Variants in CNBD1 observed in about 807,000 individuals in gnomAD.
CNBD1 encodes cyclic nucleotide binding domain containing 1.
CNBD1 carries 71 observed loss-of-function variants against 54.4 expected under a neutral mutation model. That is an observed-to-expected ratio of 1.30 (90% confidence interval 1.08 to 1.59). The LOEUF (loss-of-function observed/expected upper bound fraction) is 1.59. Ranked by LOEUF, CNBD1 falls within the 40% of genes most tolerant of loss-of-function variation. CNBD1 has a pLI of 0.00. For synonymous variants in CNBD1, 182 were observed against 170.7 expected, an observed-to-expected ratio of 1.07 and a Z score of -0.51; for missense variants, 659 against 518.0, an observed-to-expected ratio of 1.27 and a Z score of -2.64.
chr8:87,352,979 A>G lies in CNBD1; in HGVS notation c.1153-657A>G, dbSNP rs573505695. On this transcript the variant is annotated intron_variant, in intron 9 of 10. Coordinates refer to ENST00000518476, the MANE Select transcript of CNBD1 (RefSeq NM_173538.3). ...CTGAGGGCTATATTCTCTTTTATAT[A>G]TCTTAGTGGTCATCAACTCCTAGCA... Among the ~76,000 whole-genome samples the G allele has an allele frequency of 2.6e-5, 4 of 152,260 alleles. No individual in the cohort carries two copies. In the South Asian group the frequency reaches 8.3e-4, roughly 32 times the overall value.
At chr8:87,361,624 T>A (rs899569625) in intron 10 of CNBD1, among the ~76,000 whole-genome samples, 3 of 151,368 alleles carry the variant, frequency 2.0e-5, no homozygotes, top group African/African-American at 7.3e-5. Flanking sequence ...AAAGTATAGA[T>A]TTTGCATATA....
intron 4 of CNBD1, among the ~76,000 whole-genome samples, chr8:87,152,911 G>T (rs1812636820): frequency 6.6e-6 from 1 of 152,066 alleles, no homozygotes. Context: ...TTTTAACCCA[G>T]AAATTCCTCT....
At chr8:87,030,139 G>A (rs1399038292) in intron 4 of CNBD1, among the ~76,000 whole-genome samples, 1 of 152,010 alleles carries the variant, frequency 6.6e-6, no homozygotes, top group South Asian at 2.1e-4. Flanking sequence ...ATGCTTGATG[G>A]CACTAACTTT....
chr8:87,018,070 C>G (rs550217236), intron 4 of CNBD1, among the ~76,000 whole-genome samples: 2 of 152,094 alleles, frequency 1.3e-5, no homozygotes, highest in South Asian at 2.1e-4. Context: ...ATGGAGAAAC[C>G]CCATCTCTAC....
intron 10 of CNBD1, among the ~76,000 whole-genome samples, chr8:87,380,445 T>C (rs1811051096): frequency 6.6e-6 from 1 of 152,000 alleles, no homozygotes; most frequent in Admixed American, 6.6e-5. Context: ...TCAAAGCAGG[T>C]GGTGTGATGT....
chr8:87,369,034 T>C (rs888543763), intron 10 of CNBD1, among the ~76,000 whole-genome samples: 2 of 151,846 alleles, frequency 1.3e-5, no homozygotes, highest in African/African-American at 4.8e-5. Context: ...ACAACAACTA[T>C]ACTTTACTAA....
chr8:87,335,156 G>A (rs1054174899), intron 8 of CNBD1, among the ~76,000 whole-genome samples: 19 of 152,180 alleles, frequency 1.2e-4, no homozygotes, highest in Admixed American at 2.0e-4. Context: ...AGTGTCATGT[G>A]GCACTGAGAA....
At chr8:87,327,691 C>T (rs1025668708) in intron 8 of CNBD1, among the ~76,000 whole-genome samples, 8 of 152,206 alleles carry the variant, frequency 5.3e-5, no homozygotes, top group South Asian at 2.1e-4. Context: ...CACTGACCTG[C>T]GCCCACTGTC....
chr8:86,874,986 T>TTATATATATATATATATATATATATA (rs10584669), intron 1 of CNBD1, among the ~76,000 whole-genome samples: 5 of 120,118 alleles, frequency 4.2e-5, no homozygotes, highest in African/African-American at 1.4e-4. Context: ...GTAAATCAAT[T>TTATATATATATATATATATATATATA]TATATATATA....
chr8:87,388,019 G>A (rs367846432), intron 2 of CNBD1, among the ~76,000 whole-genome samples: 4 of 152,126 alleles, frequency 2.6e-5, no homozygotes, highest in Non-Finnish European at 5.9e-5. Context: ...GGTACATAAC[G>A]AAATGAAGGC....
intron 4 of CNBD1, among the ~76,000 whole-genome samples, chr8:86,995,362 A>C (rs1456298427): frequency 6.6e-6 from 1 of 152,226 alleles, no homozygotes; most frequent in Non-Finnish European, 1.5e-5. Context: ...CTGCAGAAAC[A>C]GACATGGTAA....
chr8:87,062,419 T>C (rs1232508690), intron 4 of CNBD1, among the ~76,000 whole-genome samples: 3 of 152,172 alleles, frequency 2.0e-5, no homozygotes, highest in Non-Finnish European at 4.4e-5. Flanking sequence ...TTTGATTGCT[T>C]ACTATAAACC....
intron 2 of CNBD1, among the ~76,000 whole-genome samples, chr8:87,406,475 CACACTT>C (rs1233504512): frequency 5.1e-4 from 54 of 106,582 alleles, no homozygotes; most frequent in African/African-American, 1.9e-3. Context: ...CACACACACA[CACACTT>C]TTTTTTTTTT....
chr8:87,300,955 G>C (rs186305711), intron 8 of CNBD1, among the ~76,000 whole-genome samples: 1 of 152,134 alleles, frequency 6.6e-6, no homozygotes, highest in Non-Finnish European at 1.5e-5. Context: ...CCATTGGCAT[G>C]ATTAACCAAG....
chr8:87,330,763 T>A (rs759904088), intron 8 of CNBD1, among the ~76,000 whole-genome samples: 1 of 152,188 alleles, frequency 6.6e-6, no homozygotes, highest in Non-Finnish European at 1.5e-5. Context: ...CTGCTGTTAA[T>A]GGATTAAGTA....
At chr8:86,908,800 T>TTAGACGGAGTCC (rs1554629463) in intron 3 of CNBD1, among the ~76,000 whole-genome samples, 2 of 135,776 alleles carry the variant, frequency 1.5e-5, no homozygotes, top group African/African-American at 2.7e-5. Flanking sequence ...TTTTTTTTTT[T>TTAGACGGAGTCC]TGTGCTGAGG....
At chr8:87,039,323 G>A (rs1810014368) in intron 4 of CNBD1, among the ~76,000 whole-genome samples, 1 of 151,904 alleles carries the variant, frequency 6.6e-6, no homozygotes, top group African/African-American at 2.4e-5. Context: ...TCCTATATTT[G>A]CCTTCCTAAT....
chr8:87,306,959 A>G (rs978109473), intron 8 of CNBD1, among the ~76,000 whole-genome samples: 1 of 152,204 alleles, frequency 6.6e-6, no homozygotes, highest in Non-Finnish European at 1.5e-5. Context: ...ACAGAAAAAA[A>G]TGTACTCAAT....
chr8:87,366,818 G>T (rs1030332648), intron 10 of CNBD1, among the ~76,000 whole-genome samples: 1 of 151,962 alleles, frequency 6.6e-6, no homozygotes, highest in Admixed American at 6.6e-5. Context: ...AGAAGAGGAT[G>T]GCAAACAAAT....
Sources: gnomAD v4.1 joint callset for allele counts (sites outside exome capture counted in the v4.1 genomes callset) on GRCh38, gnomAD v4.1.1 for gene constraint, MANE v1.5 for transcripts, NCBI Gene and HGNC (gene_info 2026-07-23, HGNC 2026-07-21) for gene names.